The following SWAP70 variants were observed in gnomAD, a reference collection of about 807,000 sequenced individuals.
SWAP70 encodes the protein switching B cell complex subunit SWAP70, also known as switch-associated protein 70.
A neutral mutation model predicts 80.2 loss-of-function variants in SWAP70; 34 were observed. The observed-to-expected ratio is 0.42, with a 90% confidence interval of 0.32 to 0.56. The LOEUF is 0.56. SWAP70 is among the 20% of genes least tolerant of loss of function. The probability of loss-of-function intolerance (pLI) is 0.09; values close to 1 mark genes in which losing one functional copy is unlikely to be tolerated. For synonymous variants in SWAP70, 239 were observed against 238.5 expected (o/e 1.00, Z -0.02); for missense variants, 578 against 690.7 (o/e 0.84, Z 1.83).
chr11:9,739,119 C>G (rs1851402440), intron 8 of SWAP70, among the ~76,000 whole-genome samples: 1 of 152,172 alleles, frequency 6.6e-6, no homozygotes, highest in Non-Finnish European at 1.5e-5. Context: ...CATCTAGAGT[C>G]TGATTTGTTG....
At chr11:9,748,158 G>A in intron 10 of SWAP70, 102 bp downstream of exon 10, 1 of 1,243,998 alleles carries the variant, frequency 8.0e-7, no homozygotes, top group Non-Finnish European at 1.1e-6. Flanking sequence ...GCTGTAGTAA[G>A]AATCTTGCTT....
intron 1 of SWAP70, among the ~76,000 whole-genome samples, chr11:9,667,434 T>C (rs1456718128): frequency 6.6e-6 from 1 of 152,078 alleles, no homozygotes; most frequent in Non-Finnish European, 1.5e-5. Context: ...TATTTTTTTG[T>C]AGACATAGGG....
intron 1 of SWAP70, among the ~76,000 whole-genome samples, chr11:9,675,149 A>G (rs1409209966): frequency 6.6e-6 from 1 of 151,872 alleles, no homozygotes; most frequent in Admixed American, 6.6e-5. Flanking sequence ...TTAGAGAGGT[A>G]TGGTGGCACA....
At chr11:9,664,409 C>A (rs12795548) in intron 1 of SWAP70, 131 bp downstream of exon 1, 2 of 995,102 alleles carry the variant, frequency 2.0e-6, no homozygotes, top group Non-Finnish European at 2.9e-6. Flanking sequence ...GGTAGGCCCG[C>A]TTGGGGCGGA....
intron 7 of SWAP70, among the ~76,000 whole-genome samples, chr11:9,737,539 G>C (rs1851378489): frequency 6.6e-6 from 1 of 152,062 alleles, no homozygotes; most frequent in African/African-American, 2.4e-5. Context: ...TCTGGTAAAA[G>C]TTATAATGAA....
At chr11:9,667,232 C>CTGTGTG (rs139870073) in intron 1 of SWAP70, among the ~76,000 whole-genome samples, 3 of 146,580 alleles carry the variant, frequency 2.0e-5, no homozygotes, top group East Asian at 2.0e-4. Context: ...TTTCACACTT[C>CTGTGTG]TGTGTGTGTG....
chr11:9,745,448 A>C (rs1851500322), intron 9 of SWAP70, among the ~76,000 whole-genome samples: 1 of 152,230 alleles, frequency 6.6e-6, no homozygotes, highest in Non-Finnish European at 1.5e-5. Context: ...TAGACCAAGA[A>C]GCTAATTTAA....
chr11:9,671,675 A>AATATATTTCTATGTATAC (rs1565109747), intron 1 of SWAP70, among the ~76,000 whole-genome samples: 198 of 10,326 alleles, frequency 0.019, 21 homozygotes, highest in Non-Finnish European at 0.029. Context: ...AATATATATA[A>AATATATTTCTATGTATAC]ATAGAAATAT....
intron 1 of SWAP70, among the ~76,000 whole-genome samples, chr11:9,668,193 T>G (rs1198234829): frequency 1.3e-5 from 2 of 152,240 alleles, no homozygotes; most frequent in Non-Finnish European, 2.9e-5. Context: ...CTGGCCTATT[T>G]TCACACTTTA....
chr11:9,740,968 A>G (rs1851430250), intron 9 of SWAP70: 1 of 155,250 alleles, frequency 6.4e-6, no homozygotes, highest in African/African-American at 2.4e-5. Flanking sequence ...AAGACTCCCA[A>G]AGGGAAAAAT....
intron 2 of SWAP70, among the ~76,000 whole-genome samples, chr11:9,712,432 A>G (rs1332989360): frequency 6.6e-6 from 1 of 152,196 alleles, no homozygotes; most frequent in Non-Finnish European, 1.5e-5. Context: ...ATAGGATATA[A>G]AAGTGCCTCC....
At chr11:9,710,688 T>C (rs980034065) in intron 2 of SWAP70, among the ~76,000 whole-genome samples, 157 of 151,818 alleles carry the variant, frequency 1.0e-3, no homozygotes, top group Non-Finnish European at 1.5e-3. Flanking sequence ...AAAAAAATTT[T>C]TTTTTTTTTT....
chr11:9,672,203 A>ATATATATATATT (rs1157208913), intron 1 of SWAP70, among the ~76,000 whole-genome samples: 1 of 124,894 alleles, frequency 8.0e-6, no homozygotes, highest in Admixed American at 9.0e-5. Context: ...GTCTATATAT[A>ATATATATATATT]TATATATATA....
intron 1 of SWAP70, among the ~76,000 whole-genome samples, chr11:9,676,675 A>T (rs1410333793): frequency 7.9e-6 from 1 of 127,256 alleles, no homozygotes; most frequent in Non-Finnish European, 1.6e-5. Flanking sequence ...TTTGAGACGG[A>T]GTCTTGCTCT....
intron 1 of SWAP70, among the ~76,000 whole-genome samples, chr11:9,677,795 T>C (rs1289501386): frequency 6.6e-6 from 1 of 152,186 alleles, no homozygotes; most frequent in Non-Finnish European, 1.5e-5. Flanking sequence ...TTTACAACTC[T>C]GGTGTAGATC....
At chr11:9,701,873 T>A (rs1212350114) in intron 2 of SWAP70, among the ~76,000 whole-genome samples, 2 of 152,196 alleles carry the variant, frequency 1.3e-5, no homozygotes, top group Admixed American at 1.3e-4. Context: ...TAATGGCTGA[T>A]TAGGCTTGCT....
At chr11:9,688,986 G>C (rs944338017) in intron 1 of SWAP70, among the ~76,000 whole-genome samples, 1 of 152,128 alleles carries the variant, frequency 6.6e-6, no homozygotes, top group Non-Finnish European at 1.5e-5. Context: ...TTATAAATCA[G>C]ACAGGAATTT....
chr11:9,704,928 CAT>C (rs1448030528), intron 2 of SWAP70, among the ~76,000 whole-genome samples: 4 of 152,176 alleles, frequency 2.6e-5, no homozygotes, highest in African/African-American at 9.7e-5. Context: ...AGCTCAAAGA[CAT>C]ATTGATGCAG....
At chr11:9,690,737 C>G (rs1332217788) in intron 1 of SWAP70, among the ~76,000 whole-genome samples, 13 of 151,474 alleles carry the variant, frequency 8.6e-5, no homozygotes, top group Non-Finnish European at 1.8e-4. Flanking sequence ...TTAAAAAATA[C>G]AAATAAATCT....
Sources: allele counts gnomAD v4.1 joint callset (sites outside exome capture counted in the v4.1 genomes callset), GRCh38; gene constraint gnomAD v4.1.1; transcripts MANE v1.5; gene names NCBI Gene and HGNC (gene_info 2026-07-23, HGNC 2026-07-21).